The following UBR2 variants were observed in gnomAD, a reference collection of about 807,000 sequenced individuals.
UBR2 encodes the protein ubiquitin protein ligase E3 component n-recognin 2.
In UBR2, 92 loss-of-function variants were observed where a neutral mutation model predicts 247.9. The observed-to-expected ratio is 0.37, with a 90% CI of 0.31 to 0.44. The LOEUF is 0.44. Ranked by LOEUF, UBR2 falls within the 20% of genes least tolerant of loss-of-function variation. UBR2 has a pLI of 1.00. For missense variants in UBR2, 1,613 were observed against 2,112.6 expected, an observed-to-expected ratio of 0.76 and a Z score of 4.64; for synonymous variants, 672 against 693.5, an observed-to-expected ratio of 0.97 and a Z score of 0.49.
chr6:42,682,430 T>TA (rs942252130), intron 42 of UBR2, among the ~76,000 whole-genome samples: 18 of 149,172 alleles, frequency 1.2e-4, no homozygotes, highest in Middle Eastern at 3.4e-3. Context: ...TTTACCACAC[T>TA]AAAAAAAAAA....
chr6:42,592,776 A>G (rs1045247443), intron 3 of UBR2, among the ~76,000 whole-genome samples: 1 of 152,196 alleles, frequency 6.6e-6, no homozygotes, highest in Non-Finnish European at 1.5e-5. Context: ...AATGGTAGAG[A>G]GGAATATTTT....
Position 42,659,705 on chromosome 6 carries a change from C to G in UBR2, c.3292C>G (p.Gln1098Glu). 3 of 1,614,046 alleles carry G rather than the reference C, an allele frequency of 1.9e-6. No homozygotes were observed. Among genetic ancestry groups the G allele is most frequent in the Non-Finnish European group, 2.5e-6 (3 of 1,179,990 alleles). The change falls in exon 30 of 47, where the codon CAG becomes GAG. Residue 1098 changes from glutamine to glutamate, a missense_variant. By Grantham distance (29) the Gln-to-Glu change is conservative. Coordinates refer to ENST00000372901, the MANE Select transcript of UBR2 (RefSeq NM_001363705.2). This position sits in a 1 kb window ranked among gnomAD's most constrained non-coding sequence, Gnocchi z 4.3. ...TACAGCACTGGGCCCCGCACAAACTCAGGTTCCTGAACAAAGACAATTCGT... is the reference window on the plus strand; with the variant it reads ...TACAGCACTGGGCCCCGCACAAACTGAGGTTCCTGAACAAAGACAATTCGT... ...TLTALGPAQT[Q>E]VPEQRQFVTC...
At chr6:42,573,159 T>G (rs1374528078) in intron 1 of UBR2, among the ~76,000 whole-genome samples, 1 of 151,988 alleles carries the variant, frequency 6.6e-6, no homozygotes, top group East Asian at 1.9e-4. Flanking sequence ...AAAGGCCTTA[T>G]AGAGAGAGAG....
chr6:42,581,003 ATTTTTTTTTTTTTT>A (rs58396471), intron 2 of UBR2, among the ~76,000 whole-genome samples: 2 of 62,600 alleles, frequency 3.2e-5, no homozygotes, highest in African/African-American at 1.5e-4. Flanking sequence ...TGGTTCTAGA[ATTTTTTTTTTTTTT>A]TTTTTTTTTT....
chr6:42,623,184 T>C (rs568707813), intron 11 of UBR2, among the ~76,000 whole-genome samples: 11 of 152,322 alleles, frequency 7.2e-5, no homozygotes, highest in African/African-American at 2.4e-4. Flanking sequence ...ACTTTTAATA[T>C]TTTACCGTAA....
chr6:42,670,623 C>A, intron 35 of UBR2, 37 bp from the exon 36 acceptor site: 1 of 1,393,522 alleles, frequency 7.2e-7, no homozygotes. Context: ...ATATACATAA[C>A]ATAACATTTA....
chr6:42,587,465 C>A (rs778347638), intron 2 of UBR2, among the ~76,000 whole-genome samples: 9 of 152,040 alleles, frequency 5.9e-5, no homozygotes, highest in South Asian at 2.1e-4. Context: ...TCAAGCAATC[C>A]TCTCACCTCA....
chr6:42,640,327 G>A (rs1050798143), intron 16 of UBR2, 57 bp downstream of exon 16: 15 of 1,467,640 alleles, frequency 1.0e-5, no homozygotes, highest in Non-Finnish European at 1.3e-5. Context: ...TTTGTATTTG[G>A]AATCACTTTG....
At chr6:42,620,837 C>T (rs1157303082) in intron 11 of UBR2, among the ~76,000 whole-genome samples, 1 of 152,008 alleles carries the variant, frequency 6.6e-6, no homozygotes, top group Non-Finnish European at 1.5e-5. Flanking sequence ...CGGAGTCTCG[C>T]TCTGTCACCC....
chr6:42,605,953 C>A, intron 6 of UBR2, 94 bp downstream of exon 6: 2 of 1,101,118 alleles, frequency 1.8e-6, no homozygotes, highest in South Asian at 1.9e-5. Context: ...ATATATATAT[C>A]TAGGCTTTTC....
chr6:42,630,988 A>G (rs1795674071), intron 11 of UBR2, among the ~76,000 whole-genome samples: 2 of 151,726 alleles, frequency 1.3e-5, no homozygotes, highest in South Asian at 4.2e-4. Flanking sequence ...TTTATTTTTT[A>G]TAGAGACAGG....
intron 22 of UBR2, 140 bp from the exon 23 acceptor site, chr6:42,650,144 A>T: frequency 1.6e-6 from 1 of 631,736 alleles, no homozygotes; most frequent in South Asian, 2.1e-5. Flanking sequence ...CTGCCAAATC[A>T]ACCCACTGAA....
At chr6:42,578,974 C>G (rs10948037) in intron 2 of UBR2, among the ~76,000 whole-genome samples, 2 of 18,424 alleles carry the variant, frequency 1.1e-4, no homozygotes, top group Non-Finnish European at 2.2e-4. Context: ...CACACACAAA[C>G]ACACACACAC....
intron 21 of UBR2, among the ~76,000 whole-genome samples, chr6:42,647,443 A>AAAG (rs1796838802): frequency 7.7e-6 from 1 of 130,062 alleles, no homozygotes; most frequent in East Asian, 2.2e-4. Flanking sequence ...AAAAAAAAAA[A>AAAG]AAATTAGCCA....
chr6:42,679,824 G>A lies in UBR2; in HGVS notation c.4710G>A (p.Leu1570=). The A allele has an allele frequency of 1.9e-6, 3 of 1,601,530 alleles. No individual in the cohort carries two copies. Among genetic ancestry groups the A allele is most frequent in the Non-Finnish European group, 2.6e-6 (3 of 1,169,696 alleles). ...FQENSEIMNS[L]IESWCRNSEV... is the part of the protein sequence containing the mutation. ...AAAATAGTGAGATAATGAATTCACT[G>A]ATTGAAAGGTAATGATTATATACTT... The change falls in exon 42 of 47, where the codon CTG becomes CTA. Residue 1570 remains leucine (L), a synonymous_variant. Transcript: ENST00000372901.
Position 42,573,749 on chromosome 6 carries a change from A to G in UBR2, c.94A>G (p.Thr32Ala). ...EEIAGKWLQA[T>A]DLTREVYQHL... ...TCTTTTAAAGAAATGGCTGCAAGCA[A>G]CTGACCTCACTAGAGAAGTGTACCA... The change falls in exon 2 of 47, where the codon ACT (threonine) becomes GCT (alanine). Residue 32 changes from threonine (T) to alanine (A), a missense_variant. Around this residue, in one of 3 missense-constraint regions of UBR2, gnomAD observed 1,524 missense variants for 1,967.3 expected, o/e 0.77. Transcript: ENST00000372901. 1 of 1,538,968 alleles carries G rather than the reference A, an allele frequency of 6.5e-7. No individual in the cohort carries two copies. Among genetic ancestry groups the G allele is most frequent in the South Asian group, 1.2e-5 (1 of 81,296 alleles).
At chr6:42,573,688 GT>G (rs1791311392) in intron 1 of UBR2, 45 bp from the exon 2 acceptor site, 1 of 1,442,528 alleles carries the variant, frequency 6.9e-7, no homozygotes, top group East Asian at 2.5e-5. Flanking sequence ...GTTCAAATTA[GT>G]TTGTTGGTGT....
chr6:42,627,451 G>A (rs117761691), intron 11 of UBR2, among the ~76,000 whole-genome samples: 1 of 152,170 alleles, frequency 6.6e-6, no homozygotes, highest in East Asian at 1.9e-4. Flanking sequence ...CAAGCAAGGA[G>A]GGAGTTTGTT....
Position 42,617,393 on chromosome 6 carries a change from T to A in UBR2, c.1183-16T>A, listed in dbSNP as rs757450392. 18 of 1,612,358 alleles carry A rather than the reference T, an allele frequency of 1.1e-5. No individual in the cohort carries two copies. Among genetic ancestry groups the A allele is most frequent in the Non-Finnish European group, 1.4e-5 (16 of 1,179,228 alleles). ...TGATAGCTGGCACTCCTTGCCTTTT[T>A]TTGCCTTCTTAATAGAACTATGAGC... is the stretch of plus-strand genomic sequence containing the variant. On this transcript the variant is annotated splice_polypyrimidine_tract_variant and intron_variant, in intron 10 of 46. Coordinates refer to ENST00000372901, the MANE Select transcript of UBR2 (RefSeq NM_001363705.2).
Sources: allele counts gnomAD v4.1 joint callset (sites outside exome capture counted in the v4.1 genomes callset), GRCh38; gene constraint gnomAD v4.1.1; regional missense constraint gnomAD v4.1.1; non-coding constraint Gnocchi (gnomAD v3.1); transcripts MANE v1.5; gene names NCBI Gene and HGNC (gene_info 2026-07-23, HGNC 2026-07-21).